PGS1: variants seen among roughly 807,000 people sequenced by gnomAD.
PGS1 encodes the protein phosphatidylglycerophosphate synthase 1, also known as CDP-diacylglycerol--glycerol-3-phosphate 3-phosphatidyltransferase, mitochondrial.
Under a neutral mutation model 58.3 loss-of-function variants are expected in PGS1, and 44 were observed. The ratio of observed to expected loss-of-function variants is 0.75; its 90% CI spans 0.59 to 0.97. The LOEUF is 0.97. Among genes scored for constraint, PGS1 ranks in the 50% least tolerant of loss-of-function variants. The probability of loss-of-function intolerance (pLI) is 0.00; values close to 1 mark genes in which losing one functional copy is unlikely to be tolerated. For missense variants in PGS1, 684 were observed against 731.1 expected (o/e 0.94, Z 0.74); for synonymous variants, 330 against 311.0 (o/e 1.06, Z -0.64).
At chr17:78,418,933 T>G (rs546304560) in intron 8 of PGS1, among the ~76,000 whole-genome samples, 70 of 152,308 alleles carry the variant, frequency 4.6e-4, no homozygotes, top group African/African-American at 1.5e-3. Context: ...ATTTAAAATA[T>G]TTTTTCCACC....
chr17:78,397,596 CA>C (rs2083335081), intron 3 of PGS1, among the ~76,000 whole-genome samples: 5 of 151,936 alleles, frequency 3.3e-5, no homozygotes, highest in Admixed American at 6.6e-5. Context: ...GCCACCCCCC[CA>C]GCTAATTTTG....
At chr17:78,406,589 G>A (rs2146256027) in intron 7 of PGS1, among the ~76,000 whole-genome samples, 1 of 152,366 alleles carries the variant, frequency 6.6e-6, no homozygotes, top group Non-Finnish European at 1.5e-5. Context: ...ACCCATCCTG[G>A]CATGTGTTGT....
Position 78,378,686 on chromosome 17 carries a change from T to C in PGS1, c.21T>C (p.Ala7=). 1.3e-6 allele frequency: 2 copies of C among 1,527,204 alleles called. No homozygotes were observed. Among genetic ancestry groups the C allele is most frequent in the Non-Finnish European group, 1.7e-6 (2 of 1,143,990 alleles). 94.6% of individuals were successfully genotyped at this position (1,527,204 alleles called of 1,614,324 possible). MAVAAA[A]AAGPVFWRRL... ...TCTCCATGGCGGTGGCGGCGGCAGC[T>C]GCGGCGGGACCCGTGTTCTGGAGGC... The change falls in exon 1 of 10, where the codon GCT becomes GCC. Residue 7 remains alanine, a synonymous_variant. Coordinates refer to ENST00000262764, the MANE Select transcript of PGS1 (RefSeq NM_024419.5).
chr17:78,381,225 A>G (rs1265560508), intron 1 of PGS1, among the ~76,000 whole-genome samples: 1 of 151,794 alleles, frequency 6.6e-6, no homozygotes, highest in African/African-American at 2.4e-5. Flanking sequence ...TTTTTTTTGT[A>G]AATTGTGTGA....
chr17:78,394,087 G>A (rs958397998), intron 2 of PGS1, among the ~76,000 whole-genome samples: 35 of 142,778 alleles, frequency 2.5e-4, no homozygotes, highest in African/African-American at 9.1e-4. Context: ...CAGGAGAATC[G>A]CTTGAACCCG....
chr17:78,419,036 G>T (rs963066222), intron 8 of PGS1, among the ~76,000 whole-genome samples: 2 of 151,714 alleles, frequency 1.3e-5, no homozygotes, highest in Admixed American at 1.3e-4. Flanking sequence ...TTGAGACAAG[G>T]TCTCACTTTG....
At chr17:78,403,004 T>G (rs1449188677) in intron 6 of PGS1, among the ~76,000 whole-genome samples, 1 of 152,222 alleles carries the variant, frequency 6.6e-6, no homozygotes, top group Non-Finnish European at 1.5e-5. Flanking sequence ...GTCACTGCTG[T>G]GGGAAGCTTT....
At chr17:78,385,663 T>C (rs774487621) in intron 1 of PGS1, among the ~76,000 whole-genome samples, 1 of 152,206 alleles carries the variant, frequency 6.6e-6, no homozygotes, top group Non-Finnish European at 1.5e-5. Flanking sequence ...GACCTCATCA[T>C]CTGCCTGCTC....
At chr17:78,420,377 T>A in intron 9 of PGS1, 1 of 271,830 alleles carries the variant, frequency 3.7e-6, no homozygotes, top group Non-Finnish European at 5.6e-6. Flanking sequence ...TGGCTGCCAT[T>A]AAAGGTGGGG....
At chr17:78,421,817 C>CTGTCCTAG (rs2085789079) in intron 9 of PGS1, 1 of 152,226 alleles carries the variant, frequency 6.6e-6, no homozygotes. Flanking sequence ...ACCTTCGAGG[C>CTGTCCTAG]TGTCCTAGGC....
At chr17:78,378,954 C>CACGGTGTAGACGGGGA in intron 1 of PGS1, 146 bp downstream of exon 1, 2 of 893,786 alleles carry the variant, frequency 2.2e-6, no homozygotes, top group Non-Finnish European at 3.1e-6. Context: ...CGGGGCTCGG[C>CACGGTGTAGACGGGGA]GCCTGACCTA....
At chr17:78,396,541 G>A (rs1330641478) in intron 3 of PGS1, among the ~76,000 whole-genome samples, 156 bp downstream of exon 3, 1 of 152,166 alleles carries the variant, frequency 6.6e-6, no homozygotes, top group Admixed American at 6.5e-5. Context: ...GGGCATGTCA[G>A]GAGGGCCTGG....
At chr17:78,414,602 G>A (rs1598377998) in intron 7 of PGS1, among the ~76,000 whole-genome samples, 1 of 152,102 alleles carries the variant, frequency 6.6e-6, no homozygotes, top group Non-Finnish European at 1.5e-5. Flanking sequence ...CCTGCTTCTC[G>A]TCCTGCTTGG....
chr17:78,418,911 G>C (rs759511577), intron 8 of PGS1, among the ~76,000 whole-genome samples: 1 of 152,130 alleles, frequency 6.6e-6, no homozygotes, highest in Non-Finnish European at 1.5e-5. Context: ...ACCTCGTTTA[G>C]TGAGGGTGAA....
intron 5 of PGS1, 121 bp downstream of exon 5, chr17:78,399,658 T>C: frequency 1.0e-6 from 1 of 980,612 alleles, no homozygotes. Flanking sequence ...TAGGTCTGGC[T>C]GCTGTGCACC....
rs372589829 is a variant in PGS1 at position 78,415,034 on chromosome 17, C to T, written c.1551+7C>T. On this transcript the variant is annotated splice_region_variant and intron_variant, in intron 8 of 9. Coordinates refer to ENST00000262764, the MANE Select transcript of PGS1 (RefSeq NM_024419.5). ...GCAGCAGCAGCTTCACCAGGTTGGT[C>T]GCAGCAAGTGGGATTTCCCAGGGCG... 4.3e-5 allele frequency: 70 copies of T among 1,611,440 alleles called. No homozygotes were observed. Among genetic ancestry groups the T allele is most frequent in the Admixed American group, 8.4e-5 (5 of 59,808 alleles).
At chr17:78,401,958 G>T (rs1163283744) in intron 6 of PGS1, among the ~76,000 whole-genome samples, 1 of 152,212 alleles carries the variant, frequency 6.6e-6, no homozygotes, top group Non-Finnish European at 1.5e-5. Flanking sequence ...CTTAGGCCAG[G>T]ATGAGAGCCA....
chr17:78,384,494 G>A (rs1440695431), intron 1 of PGS1, among the ~76,000 whole-genome samples: 1 of 152,196 alleles, frequency 6.6e-6, no homozygotes, highest in Non-Finnish European at 1.5e-5. Flanking sequence ...TGAAAATATT[G>A]CAATCCAGAG....
intron 1 of PGS1, among the ~76,000 whole-genome samples, chr17:78,387,711 T>G (rs1200976302): frequency 1.3e-5 from 2 of 151,366 alleles, no homozygotes. Context: ...GCAGTCTTCC[T>G]GCCTCAGCCT....
Sources: gnomAD v4.1 joint callset for allele counts (sites outside exome capture counted in the v4.1 genomes callset) on GRCh38, gnomAD v4.1.1 for gene constraint, MANE v1.5 for transcripts, NCBI Gene and HGNC (gene_info 2026-07-23, HGNC 2026-07-21) for gene names.